The following HECTD4 variants were observed in gnomAD, a reference collection of about 807,000 sequenced individuals.
The protein encoded by HECTD4 is HECT domain E3 ubiquitin protein ligase 4.
In HECTD4, 114 loss-of-function variants were observed where a neutral mutation model predicts 471.5. The observed-to-expected ratio is 0.24, with a 90% CI of 0.21 to 0.28. The LOEUF (loss-of-function observed/expected upper bound fraction) is 0.28, where lower values mean the gene tolerates loss of function less well. Ranked by LOEUF, HECTD4 falls within the 10% of genes least tolerant of loss-of-function variation. HECTD4 has a pLI of 1.00. For missense variants in HECTD4, 3,866 were observed against 5,651.5 expected, an observed-to-expected ratio of 0.68 and a Z score of 10.13; for synonymous variants, 2,012 against 2,256.0, an observed-to-expected ratio of 0.89 and a Z score of 3.07.
At chr12:112,277,311 A>G (rs2034546153) in intron 9 of HECTD4, among the ~76,000 whole-genome samples, 1 of 152,212 alleles carries the variant, frequency 6.6e-6, no homozygotes, top group South Asian at 2.1e-4. Flanking sequence ...ACATTATGTT[A>G]AGTTTAAAAA....
chr12:112,262,932 G>A (rs1161310497), intron 17 of HECTD4, among the ~76,000 whole-genome samples: 1 of 151,988 alleles, frequency 6.6e-6, no homozygotes, highest in African/African-American at 2.4e-5. Flanking sequence ...TAGTATTATT[G>A]AGATTTTTTT....
rs944081570 is a variant in HECTD4, at chr12:112,220,943, C to T, written c.6971-1454G>A. On this transcript the variant is annotated intron_variant, in intron 44 of 75. Transcript: ENST00000682272. Reference sequence around the variant, plus strand: ...CAGCCTGGGAGACATAGTGAGACCCCGTCTCTACAAATTTTTATTTTTTTG... The same window carrying T: ...CAGCCTGGGAGACATAGTGAGACCCTGTCTCTACAAATTTTTATTTTTTTG... Among the ~76,000 whole-genome samples the T allele has an allele frequency of 6.6e-5, 10 of 152,236 alleles. No homozygotes were observed. In the East Asian group the frequency reaches 7.7e-4, roughly 12 times the overall value.
At position 112,216,292 on chromosome 12, in the gene HECTD4, C is replaced by G; in HGVS notation, c.7465G>C (p.Gly2489Arg). ...GTGGAAAAGCTCCCACTGCACTCAC[C>G]GGGGGAGAGAGTCACGTCTAAGCGA... is the stretch of plus-strand genomic sequence containing the variant. ...SVRLDVTLSP[G>R]DVAGIGWERT... Residue 2489 changes from glycine (G) to arginine (R), a missense_variant and splice_region_variant, in exon 48 of 76, where the codon GGT (glycine) becomes CGT (arginine). This residue lies in a region of HECTD4 where 617 missense variants were observed against 915.1 expected (regional missense o/e 0.67). Coordinates refer to ENST00000682272, the MANE Select transcript of HECTD4 (RefSeq NM_001388303.1). The G allele has an allele frequency of 6.5e-7, 1 of 1,545,972 alleles. No homozygotes were observed. Among genetic ancestry groups the G allele is most frequent in the Non-Finnish European group, 8.8e-7 (1 of 1,140,998 alleles).
At chr12:112,289,693 T>G (rs993976171) in intron 7 of HECTD4, among the ~76,000 whole-genome samples, 5 of 152,252 alleles carry the variant, frequency 3.3e-5, no homozygotes, top group East Asian at 1.9e-4. Flanking sequence ...TTGTTTGTTT[T>G]TTTGAGACAG....
chr12:112,381,996 T>C lies in HECTD4; in HGVS notation c.133A>G (p.Ser45Gly), dbSNP rs1324035340. ...GCCTCTGGGGCCCCGAGGATCTCGC[T>C]GGGCAGCTCGGCCAGGTCGGTGACC... ...IRVTDLAELP[S>G]EILGAPEAAD... is the part of the protein sequence containing the mutation. Residue 45 changes from serine (S) to glycine (G), a missense_variant, in exon 1 of 76, where the codon AGC becomes GGC. This residue lies in a region of HECTD4 where 440 missense variants were observed against 636.0 expected (regional missense o/e 0.69). Transcript: ENST00000682272. The surrounding 1 kb of genome is among the most constrained non-coding windows in gnomAD (Gnocchi z 4.1). The C allele has an allele frequency of 3.3e-6, 4 of 1,224,396 alleles. No individual in the cohort carries two copies. The highest frequency in any genetic ancestry group is 4.1e-6 in the Non-Finnish European group (4 of 983,306). The allele number at this position is 1,224,396 out of a possible 1,614,324, so 75.8% of individuals were successfully genotyped here.
intron 29 of HECTD4, 117 bp downstream of exon 29, chr12:112,246,784 C>A: frequency 1.2e-6 from 1 of 866,714 alleles, no homozygotes. Context: ...TTTTGTTTTC[C>A]TTTCTCAGAG....
chr12:112,247,504 G>A lies in HECTD4; in HGVS notation c.4295C>T (p.Ser1432Phe). Residue 1432 changes from serine (S) to phenylalanine (F), a missense_variant, in exon 28 of 76, where the codon TCC becomes TTC. Ser to Phe is a radical substitution (Grantham distance 155, BLOSUM62 -2). Around this residue, in one of 16 missense-constraint regions of HECTD4, gnomAD observed 281 missense variants for 499.9 expected, o/e 0.56. Coordinates refer to ENST00000682272, the MANE Select transcript of HECTD4 (RefSeq NM_001388303.1). ...GTTTTCAAGATCATTCCCATCAAAGGAGACTTCCTTCATTGAACATAAAAG... is the reference window on the plus strand; with the variant it reads ...GTTTTCAAGATCATTCCCATCAAAGAAGACTTCCTTCATTGAACATAAAAG... Reference protein sequence around the residue: ...LELLCSMKEVSFDGNDLENMV... With the variant: ...LELLCSMKEVFFDGNDLENMV... 6.5e-7 allele frequency: 1 copy of A among 1,542,746 alleles called. No homozygotes were observed. The highest frequency in any genetic ancestry group is 8.8e-7 in the Non-Finnish European group (1 of 1,141,520).
intron 7 of HECTD4, among the ~76,000 whole-genome samples, chr12:112,303,066 T>G (rs2035197569): frequency 6.6e-6 from 1 of 151,940 alleles, no homozygotes; most frequent in African/African-American, 2.4e-5. Flanking sequence ...AGACATCACT[T>G]GTGGGTGATT....
Position 112,193,460 on chromosome 12 carries a change from G to T in HECTD4, c.8955+9C>A. 1 of 1,601,258 alleles carries T rather than the reference G, an allele frequency of 6.2e-7. No homozygotes were observed. The highest frequency in any genetic ancestry group is 1.1e-5 in the South Asian group (1 of 88,566). On this transcript the variant is annotated intron_variant, in intron 57 of 75. Transcript: ENST00000682272. The surrounding 1 kb of genome is among the most constrained non-coding windows in gnomAD (Gnocchi z 5.2). ...CCACACTGCAGGAACATGAGCTTTA[G>T]ACTTCTACCTGCAGGAAAGAGCAGA... is the stretch of plus-strand genomic sequence containing the variant.
chr12:112,183,986 T>C (rs971110669), intron 61 of HECTD4, among the ~76,000 whole-genome samples: 2 of 152,176 alleles, frequency 1.3e-5, no homozygotes, highest in Admixed American at 1.3e-4. Context: ...CTGGCTCCCC[T>C]TTACTTCGTG....
At chr12:112,259,414 T>G (rs959289214) in intron 18 of HECTD4, 149 bp from the exon 19 acceptor site, 5 of 728,544 alleles carry the variant, frequency 6.9e-6, no homozygotes, top group African/African-American at 3.7e-5. Flanking sequence ...AGTCCACAAA[T>G]TTTCCACCTT....
rs1358511318 is a variant in HECTD4, at chr12:112,160,478, T to G, written c.*1909A>C. 6.6e-6 allele frequency: 1 copy of G among 152,174 alleles called. No individual in the cohort carries two copies. Among genetic ancestry groups the G allele is most frequent in the Non-Finnish European group, 1.5e-5 (1 of 68,042 alleles). 9.4% of individuals were successfully genotyped at this position (152,174 alleles called of 1,614,324 possible). On this transcript the variant is annotated 3_prime_UTR_variant, in exon 76 of 76. Coordinates refer to ENST00000682272, the MANE Select transcript of HECTD4 (RefSeq NM_001388303.1). Reference sequence around the variant, plus strand: ...ATCAAGTAACTTTACAGCACACATTTTTTAGGGCCAAGGTTTGGATCTGTC... The same window carrying G: ...ATCAAGTAACTTTACAGCACACATTGTTTAGGGCCAAGGTTTGGATCTGTC...
At chr12:112,253,227 C>T (rs1427970664) in intron 22 of HECTD4, among the ~76,000 whole-genome samples, 4 of 151,968 alleles carry the variant, frequency 2.6e-5, no homozygotes, top group Non-Finnish European at 5.9e-5. Flanking sequence ...TGGGTTTAAG[C>T]GATTCTCCTG....
chr12:112,290,867 A>AAAAAAAAAAAC (rs1566100751), intron 7 of HECTD4, among the ~76,000 whole-genome samples: 1 of 147,184 alleles, frequency 6.8e-6, no homozygotes. Context: ...ACAAAACAAA[A>AAAAAAAAAAAC]AAAAAAAACA....
chr12:112,254,136 T>C lies in HECTD4; in HGVS notation c.3354A>G (p.Thr1118=). 6.2e-7 allele frequency: 1 copy of C among 1,614,020 alleles called. No homozygotes were observed. Among genetic ancestry groups the C allele is most frequent in the South Asian group, 1.1e-5 (1 of 91,088 alleles). The change falls in exon 22 of 76, where the codon ACA becomes ACG. Residue 1118 remains threonine, a synonymous_variant. Coordinates refer to ENST00000682272, the MANE Select transcript of HECTD4 (RefSeq NM_001388303.1). The stretch of plus-strand genomic sequence containing the variant: ...CATATTCAGCAACCTTCCTACTGTT[T>C]GTGTTAGGCCCCGCATATATCACCA... ...DKLVIYAGPN[T]NSRKVAEYGG...
chr12:112,209,169 G>A (rs1304434916), intron 50 of HECTD4, among the ~76,000 whole-genome samples: 1 of 151,798 alleles, frequency 6.6e-6, no homozygotes, highest in East Asian at 1.9e-4. Flanking sequence ...CCCAGTGTTG[G>A]GATTATAGAT....
intron 1 of HECTD4, among the ~76,000 whole-genome samples, chr12:112,355,495 C>A (rs1397394354): frequency 1.3e-5 from 2 of 149,956 alleles, no homozygotes; most frequent in Non-Finnish European, 3.0e-5. Context: ...CACGGTGGCT[C>A]ACACCAGTAA....
rs774281027 is a variant in HECTD4, at chr12:112,264,155, T to C, written c.2677A>G (p.Thr893Ala). ...MAVQNHLLSN[T>A]ILIKPDENDD... ...TTCTCATCAGGTTTAATCAAAATAG[T>C]GTTACTGAGAAGGTGATTCTGAACT... The change falls in exon 17 of 76, where the codon ACT becomes GCT. Residue 893 changes from threonine to alanine, a missense_variant. Coordinates refer to ENST00000682272, the MANE Select transcript of HECTD4 (RefSeq NM_001388303.1). The C allele has an allele frequency of 5.0e-6, 8 of 1,607,196 alleles. No individual in the cohort carries two copies. Among genetic ancestry groups the C allele is most frequent in the Non-Finnish European group, 6.8e-6 (8 of 1,176,694 alleles).
At position 112,184,316 on chromosome 12, in the gene HECTD4, G is replaced by A. The variant is rs1423172347; in HGVS notation, c.10650C>T (p.Gly3550=). ...CATTGTCCAGGGGCTCCCCCAGGCT[G>A]CCCAGGCTGCCCAGGCTGCCGGTGC... is the stretch of plus-strand genomic sequence containing the variant. ...LCSTGSLGSL[G]SLGEPLDNAE... The change falls in exon 61 of 76, where the codon GGC becomes GGT. Residue 3550 remains glycine, a synonymous_variant. Coordinates refer to ENST00000682272, the MANE Select transcript of HECTD4 (RefSeq NM_001388303.1). This position sits in a 1 kb window ranked among gnomAD's most constrained non-coding sequence, Gnocchi z 9.1. 5.6e-6 allele frequency: 9 copies of A among 1,612,040 alleles called. No individual in the cohort carries two copies. Among genetic ancestry groups the A allele is most frequent in the Non-Finnish European group, 7.6e-6 (9 of 1,179,270 alleles).
Sources: allele counts gnomAD v4.1 joint callset (sites outside exome capture counted in the v4.1 genomes callset), GRCh38; gene constraint gnomAD v4.1.1; regional missense constraint gnomAD v4.1.1; non-coding constraint Gnocchi (gnomAD v3.1); transcripts MANE v1.5; gene names NCBI Gene and HGNC (gene_info 2026-07-23, HGNC 2026-07-21).